The following HYDIN variants were observed in gnomAD, a reference collection of about 807,000 sequenced individuals.
HYDIN encodes axonemal central pair apparatus protein HYDIN.
A neutral mutation model predicts 403.9 loss-of-function variants in HYDIN; 132 were observed. The observed-to-expected ratio is 0.33, with a 90% CI of 0.28 to 0.38. The LOEUF (loss-of-function observed/expected upper bound fraction) is 0.38, where lower values mean the gene tolerates loss of function less well. Among genes scored for constraint, HYDIN ranks in the 10% least tolerant of loss-of-function variants. HYDIN has a pLI of 1.00. For synonymous variants in HYDIN, 1,202 were observed against 1,891.7 expected, an observed-to-expected ratio of 0.64 and a Z score of 9.46; for missense variants, 2,827 against 5,009.5, an observed-to-expected ratio of 0.56 and a Z score of 13.15.
At chr16:70,884,987 G>T (rs2041044627) in intron 58 of HYDIN, among the ~76,000 whole-genome samples, 1 of 152,220 alleles carries the variant, frequency 6.6e-6, no homozygotes, top group Non-Finnish European at 1.5e-5. Context: ...GTGTGAAGTG[G>T]GGCATGCATT....
intron 7 of HYDIN, among the ~76,000 whole-genome samples, chr16:71,151,053 G>T (rs2085518435): frequency 6.6e-6 from 1 of 152,130 alleles, no homozygotes; most frequent in Non-Finnish European, 1.5e-5. Context: ...ATGTTGGTGA[G>T]GATGTGAAGC....
At chr16:70,955,061 TA>T (rs1393667225) in intron 40 of HYDIN, among the ~76,000 whole-genome samples, 2 of 152,186 alleles carry the variant, frequency 1.3e-5, no homozygotes, top group African/African-American at 4.8e-5. Flanking sequence ...GTTGCAAAAT[TA>T]TTTTCCTCTG....
At chr16:71,038,251 G>C (rs1178802033) in intron 18 of HYDIN, among the ~76,000 whole-genome samples, 1 of 152,274 alleles carries the variant, frequency 6.6e-6, no homozygotes, top group African/African-American at 2.4e-5. Flanking sequence ...TATATCTAAG[G>C]ATAACATTTG....
Position 70,884,004 on chromosome 16 carries a change from T to C in HYDIN, c.9895A>G (p.Ile3299Val), listed in dbSNP as rs754482485. Residue 3299 changes from isoleucine to valine, a missense_variant, in exon 59 of 86, where the codon ATA (isoleucine) becomes GTA (valine). Coordinates refer to ENST00000393567, the MANE Select transcript of HYDIN (RefSeq NM_001270974.2). ...TCTCGGCCGGAGATATCGATGGCTA[T>C]AAACTCCTCACACTTTCCCATGGCG... ...ADAMGKCEEF[I>V]AIDISGRDPA... The C allele has an allele frequency of 3.1e-6, 5 of 1,614,192 alleles. No homozygotes were observed. In the South Asian group the frequency reaches 4.4e-5, roughly 14 times the overall value.
intron 30 of HYDIN, among the ~76,000 whole-genome samples, chr16:70,976,193 A>AT (rs201564399): frequency 4.9e-3 from 748 of 152,320 alleles, no homozygotes; most frequent in African/African-American, 0.017. Flanking sequence ...GAGACTAGCT[A>AT]TTTTTTACTC....
At chr16:71,083,571 T>C (rs1307211255) in intron 12 of HYDIN, among the ~76,000 whole-genome samples, 1 of 139,778 alleles carries the variant, frequency 7.2e-6, no homozygotes, top group East Asian at 2.2e-4. Flanking sequence ...ATGGGAGTTC[T>C]CATTCCTCCA....
At chr16:71,169,556 T>C (rs1227319794) in intron 5 of HYDIN, among the ~76,000 whole-genome samples, 1 of 152,168 alleles carries the variant, frequency 6.6e-6, no homozygotes, top group Non-Finnish European at 1.5e-5. Context: ...CTAAGTAAAA[T>C]AAGCCAGGCA....
intron 8 of HYDIN, among the ~76,000 whole-genome samples, chr16:71,135,920 C>A (rs903035925): frequency 4.0e-5 from 6 of 150,902 alleles, no homozygotes; most frequent in African/African-American, 1.2e-4. Flanking sequence ...AGGGACTGCA[C>A]ACTGGGGGGG....
intron 45 of HYDIN, among the ~76,000 whole-genome samples, chr16:70,931,210 GTTTTTTT>G (rs71387550): frequency 2.9e-4 from 17 of 59,482 alleles, no homozygotes; most frequent in South Asian, 1.7e-3. Flanking sequence ...TCTTTCTTCT[GTTTTTTT>G]TTTTTTTTTT....
At chr16:71,000,737 G>C (rs564645293) in intron 23 of HYDIN, among the ~76,000 whole-genome samples, 4 of 151,462 alleles carry the variant, frequency 2.6e-5, no homozygotes, top group Non-Finnish European at 2.9e-5. Context: ...TTGACCCCCC[G>C]GTCAGATAAA....
At chr16:70,979,345 G>A (rs1308829013) in intron 29 of HYDIN, among the ~76,000 whole-genome samples, 2 of 151,332 alleles carry the variant, frequency 1.3e-5, no homozygotes, top group Admixed American at 6.6e-5. Flanking sequence ...CTTGATCCTG[G>A]CTTGCTTGGG....
intron 23 of HYDIN, among the ~76,000 whole-genome samples, chr16:71,010,281 G>T (rs1463585001): frequency 1.3e-5 from 2 of 152,152 alleles, no homozygotes; most frequent in Non-Finnish European, 2.9e-5. Context: ...AAAGAAAAAC[G>T]CAAATACTTG....
chr16:71,006,693 C>G (rs117963926), intron 23 of HYDIN, among the ~76,000 whole-genome samples: 12,133 of 151,316 alleles, frequency 0.08, 547 homozygotes, highest in Middle Eastern at 0.14. Flanking sequence ...AGCCACCACC[C>G]AGAGGATCCT....
rs1339633744 is a variant in HYDIN, at chr16:71,052,074, A to C, written c.2529+8430T>G. On this transcript the variant is annotated intron_variant, in intron 18 of 85. Transcript: ENST00000393567. ...TATTCATAGTAAAGCTCCAGTGTTT[A>C]TTTTCTAGGTATGCAAATTTGAGCT... Among the ~76,000 whole-genome samples, 8 of 152,406 alleles carry C rather than the reference A, an allele frequency of 5.2e-5. No homozygotes were observed. In the East Asian group the frequency reaches 1.2e-3, roughly 22 times the overall value.
chr16:70,839,949 T>C (rs1053116206), intron 76 of HYDIN, 115 bp downstream of exon 76: 4 of 713,786 alleles, frequency 5.6e-6, no homozygotes, highest in South Asian at 1.9e-5. Flanking sequence ...TTTGTTTGAC[T>C]CTTTCCCATA....
chr16:71,173,811 AT>A (rs1896109436), intron 5 of HYDIN, among the ~76,000 whole-genome samples: 2 of 152,178 alleles, frequency 1.3e-5, no homozygotes, highest in Admixed American at 6.5e-5. Context: ...AGTCTTGTGT[AT>A]CCCTTTTTCA....
chr16:71,136,500 C>CAA (rs2084923525), intron 8 of HYDIN, among the ~76,000 whole-genome samples: 1 of 151,290 alleles, frequency 6.6e-6, no homozygotes, highest in African/African-American at 2.4e-5. Context: ...CATGGTGGCT[C>CAA]ACGCTTGTAA....
chr16:70,937,555 T>A (rs1426855296), intron 44 of HYDIN, among the ~76,000 whole-genome samples: 1 of 137,272 alleles, frequency 7.3e-6, no homozygotes, highest in African/African-American at 2.7e-5. Context: ...CTTGGGAGAG[T>A]GAGGCAGGAG....
At chr16:71,052,291 T>C (rs1192293819) in intron 18 of HYDIN, among the ~76,000 whole-genome samples, 2 of 151,694 alleles carry the variant, frequency 1.3e-5, no homozygotes, top group African/African-American at 2.4e-5. Context: ...GTAGTGACAC[T>C]GAGATAGATA....
Sources: allele counts gnomAD v4.1 joint callset (sites outside exome capture counted in the v4.1 genomes callset), GRCh38; gene constraint gnomAD v4.1.1; transcripts MANE v1.5; gene names NCBI Gene and HGNC (gene_info 2026-07-23, HGNC 2026-07-21).